PPP4R2: variants seen among roughly 807,000 people sequenced by gnomAD.
The protein encoded by PPP4R2 is protein phosphatase 4 regulatory subunit 2, also known as serine/threonine-protein phosphatase 4 regulatory subunit 2.
Under a neutral mutation model 47.2 loss-of-function variants are expected in PPP4R2, and 13 were observed. The observed-to-expected ratio is 0.28, with a 90% CI of 0.18 to 0.44. The LOEUF is 0.44. Among genes scored for constraint, PPP4R2 ranks in the 20% least tolerant of loss-of-function variants. The pLI is 1.00. For missense variants in PPP4R2, 421 were observed against 491.2 expected (o/e 0.86, Z 1.35); for synonymous variants, 151 against 163.3 (o/e 0.92, Z 0.57).
intron 2 of PPP4R2, among the ~76,000 whole-genome samples, chr3:73,016,941 T>C (rs1701852844): frequency 1.3e-5 from 2 of 151,358 alleles, no homozygotes; most frequent in South Asian, 4.2e-4. Context: ...ATTTTCATGC[T>C]TCAGCCACCC....
chr3:73,042,972 G>A (rs1248324782), intron 2 of PPP4R2, among the ~76,000 whole-genome samples: 1 of 152,032 alleles, frequency 6.6e-6, no homozygotes, highest in Non-Finnish European at 1.5e-5. Context: ...CATACCTCTT[G>A]TCTGGCTGTT....
At chr3:73,042,870 A>G (rs1044470187) in intron 2 of PPP4R2, among the ~76,000 whole-genome samples, 3 of 152,138 alleles carry the variant, frequency 2.0e-5, no homozygotes, top group Admixed American at 6.5e-5. Flanking sequence ...TGTGTTCATA[A>G]TTCATGTCAA....
rs1166452667 is a variant in PPP4R2, at chr3:73,065,628, A to G, written c.1160A>G (p.Asn387Ser). ...CRETEELVGS[N>S]SSKTGEILSE... ...GAAACAGAAGAATTAGTAGGATCCA[A>G]TTCCAGTAAAACTGGAGAGATTCTT... Residue 387 changes from asparagine (N) to serine (S), a missense_variant, in exon 9 of 9, where the codon AAT becomes AGT. This residue lies in a region of PPP4R2 where 317 missense variants were observed against 287.5 expected (regional missense o/e 1.10). Transcript: ENST00000356692. 6 of 1,612,900 alleles carry G rather than the reference A, an allele frequency of 3.7e-6. No individual in the cohort carries two copies. The highest frequency in any genetic ancestry group is 1.7e-5 in the Admixed American group (1 of 59,990).
chr3:73,065,586 GT>G lies in PPP4R2; in HGVS notation c.1120del (p.Ser374LeufsTer10). On this transcript the variant is annotated frameshift_variant, in exon 9 of 9. Coordinates refer to ENST00000356692, the MANE Select transcript of PPP4R2 (RefSeq NM_174907.4). LOFTEE classifies it high-confidence loss of function. ...GSENEGPVSS[S>X]SSDCRETEEL... is the part of the protein sequence containing the mutation. ...GAAAACGAAGGCCCTGTAAGTAGTA[GT>G]TCTTCTGACTGCCGTGAAACAGAAG... The G allele has an allele frequency of 6.2e-7, 1 of 1,613,708 alleles. No homozygotes were observed. Among genetic ancestry groups the G allele is most frequent in the Non-Finnish European group, 8.5e-7 (1 of 1,179,698 alleles).
intron 2 of PPP4R2, among the ~76,000 whole-genome samples, chr3:73,015,299 C>T (rs1701802659): frequency 6.6e-6 from 1 of 151,752 alleles, no homozygotes; most frequent in Non-Finnish European, 1.5e-5. Flanking sequence ...CCTGCCTCAG[C>T]CTCCTGAGTA....
intron 3 of PPP4R2, among the ~76,000 whole-genome samples, chr3:73,048,171 G>A (rs920168604): frequency 6.6e-6 from 1 of 151,118 alleles, no homozygotes; most frequent in Non-Finnish European, 1.5e-5. Context: ...CACCACGCCC[G>A]GCAGTACTCA....
Position 73,065,602 on chromosome 3 carries a change from TG to T in PPP4R2, c.1135del (p.Glu379LysfsTer5), listed in dbSNP as rs771218595. On this transcript the variant is annotated frameshift_variant, in exon 9 of 9. Transcript: ENST00000356692. LOFTEE classifies it high-confidence loss of function. ...TAAGTAGTAGTTCTTCTGACTGCCGTGAAACAGAAGAATTAGTAGGATCCAA... is the reference window on the plus strand; with the variant it reads ...TAAGTAGTAGTTCTTCTGACTGCCGTAAACAGAAGAATTAGTAGGATCCAA... Reference protein sequence around the residue: ...PVSSSSSDCRETEELVGSNSS... With the variant: ...PVSSSSSDCRXTEELVGSNSS... 2 of 1,613,282 alleles carry T rather than the reference TG, an allele frequency of 1.2e-6. No individual in the cohort carries two copies. The highest frequency in any genetic ancestry group is 4.5e-5 in the East Asian group (2 of 44,852).
intron 2 of PPP4R2, among the ~76,000 whole-genome samples, chr3:73,023,170 C>T (rs6767777): frequency 0.054 from 7,212 of 133,474 alleles, 577 homozygotes; most frequent in African/African-American, 0.19. Flanking sequence ...AGTGAGGTTT[C>T]TTTTCTTTTC....
intron 2 of PPP4R2, among the ~76,000 whole-genome samples, chr3:73,009,034 AGTGTCCT>A (rs1701670802): frequency 6.6e-6 from 1 of 152,112 alleles, no homozygotes; most frequent in Non-Finnish European, 1.5e-5. Flanking sequence ...GCAGATAGTG[AGTGTCCT>A]GTAAGTGGGA....
chr3:73,061,338 G>C (rs1575889633), intron 5 of PPP4R2: 1 of 192,808 alleles, frequency 5.2e-6, no homozygotes, highest in Admixed American at 6.0e-5. Context: ...TCATTGCCCT[G>C]AGATGCCATT....
rs80145511 is a variant in PPP4R2, at chr3:73,038,944, G to T, written c.117-8242G>T. Among the ~76,000 whole-genome samples the T allele has an allele frequency of 1.1e-3, 171 of 152,180 alleles. 1 individual carries two copies. Among genetic ancestry groups the T allele is most frequent in the African/African-American group, 4.0e-3 (167 of 41,528 alleles). On this transcript the variant is annotated intron_variant, in intron 2 of 8. Transcript: ENST00000356692. ...TTTAGCACTCTAATTTGAAAAATTT[G>T]TCACTTTCAGTGGCAAATACTTTCC...
intron 5 of PPP4R2, chr3:73,062,839 TG>T: frequency 6.2e-7 from 1 of 1,613,894 alleles, no homozygotes; most frequent in Non-Finnish European, 8.5e-7. Context: ...GGAGAATTAA[TG>T]TTCACACTTC....
intron 2 of PPP4R2, among the ~76,000 whole-genome samples, chr3:73,021,168 A>G (rs1172472153): frequency 2.0e-5 from 3 of 152,050 alleles, no homozygotes; most frequent in African/African-American, 7.2e-5. Flanking sequence ...GTGAACTCAT[A>G]TAGCTCACTT....
At chr3:72,999,420 A>G (rs1460704011) in intron 2 of PPP4R2, among the ~76,000 whole-genome samples, 5 of 152,224 alleles carry the variant, frequency 3.3e-5, no homozygotes, top group Admixed American at 3.3e-4. Context: ...GACTGCCACT[A>G]TTCCTCTTGA....
intron 2 of PPP4R2, among the ~76,000 whole-genome samples, 171 bp downstream of exon 2, chr3:72,998,329 T>A (rs886260479): frequency 6.6e-6 from 1 of 152,256 alleles, no homozygotes; most frequent in Non-Finnish European, 1.5e-5. Flanking sequence ...TACGCTTACT[T>A]ACTTTATACA....
chr3:73,050,723 A>T (rs1702593843), intron 3 of PPP4R2, among the ~76,000 whole-genome samples: 1 of 152,170 alleles, frequency 6.6e-6, no homozygotes, highest in Admixed American at 6.5e-5. Context: ...ATTTAAAGCT[A>T]TCTTTTTATT....
intron 2 of PPP4R2, among the ~76,000 whole-genome samples, chr3:73,003,741 C>T (rs995465540): frequency 3.3e-5 from 5 of 151,992 alleles, no homozygotes; most frequent in Admixed American, 2.0e-4. Flanking sequence ...CTCTGTTGCC[C>T]AGGCTGGAGT....
At position 73,022,555 on chromosome 3, in the gene PPP4R2, T is replaced by C. The variant is rs189214672; in HGVS notation, c.116+24397T>C. On this transcript the variant is annotated intron_variant, in intron 2 of 8. Transcript: ENST00000356692. ...AAATTGAAATTTAAATTTTTTCCTT[T>C]AGAATTTTTTCTGTTACATATGTAA... Among the ~76,000 whole-genome samples, 17 of 152,314 alleles carry C rather than the reference T, an allele frequency of 1.1e-4. No individual in the cohort carries two copies. In the East Asian group the frequency reaches 3.3e-3, roughly 29 times the overall value.
At chr3:73,002,067 G>C (rs913011752) in intron 2 of PPP4R2, among the ~76,000 whole-genome samples, 4 of 152,128 alleles carry the variant, frequency 2.6e-5, no homozygotes, top group Non-Finnish European at 4.4e-5. Flanking sequence ...GAGATCCACT[G>C]TTGTAGCTCC....
Sources: allele counts gnomAD v4.1 joint callset (sites outside exome capture counted in the v4.1 genomes callset), GRCh38; gene constraint gnomAD v4.1.1; regional missense constraint gnomAD v4.1.1; transcripts MANE v1.5; gene names NCBI Gene and HGNC (gene_info 2026-07-23, HGNC 2026-07-21).